The following ANKRD36C variants were observed in gnomAD, a reference collection of about 807,000 sequenced individuals.
ANKRD36C encodes ankyrin repeat domain-containing protein 36C.
A neutral mutation model predicts 276.4 loss-of-function variants in ANKRD36C; 61 were observed. That is an observed-to-expected ratio of 0.22 (90% CI 0.18 to 0.27). The LOEUF (loss-of-function observed/expected upper bound fraction) is 0.27, where lower values mean the gene tolerates loss of function less well. Ranked by LOEUF, ANKRD36C falls within the 10% of genes least tolerant of loss-of-function variation. The pLI, the probability that ANKRD36C is intolerant of heterozygous loss-of-function variation, is 1.00. For synonymous variants in ANKRD36C, 483 were observed against 680.1 expected (o/e 0.71, Z 4.51); for missense variants, 1,447 against 2,032.3 (o/e 0.71, Z 5.54).
rs953338201 is a variant in ANKRD36C, at chr2:95,897,165, A to T, written c.2755+1980T>A. The T allele has an allele frequency of 1.7e-5, 19 of 1,099,706 alleles. 1 individual carries two copies. Among genetic ancestry groups the T allele is most frequent in the African/African-American group, 1.4e-4 (9 of 62,774 alleles). The allele number at this position is 1,099,706 out of a possible 1,614,324, so 68.1% of individuals were successfully genotyped here. ...GAAATGAAGAATCTCAGGACTGCTGAATCAGAATGTGCAGCTTCAACGAGC... is the reference window on the plus strand; with the variant it reads ...GAAATGAAGAATCTCAGGACTGCTGTATCAGAATGTGCAGCTTCAACGAGC... On this transcript the variant is annotated intron_variant, in intron 44 of 66. Coordinates refer to ENST00000456556, the Ensembl canonical transcript of ANKRD36C.
At chr2:95,874,820 A>C (rs1675905205) in intron 59 of ANKRD36C, among the ~76,000 whole-genome samples, 1 of 152,256 alleles carries the variant, frequency 6.6e-6, no homozygotes, top group Admixed American at 6.5e-5. Flanking sequence ...AATGAACCCA[A>C]ACAAATTTAC....
At chr2:95,893,142 C>T (rs1482029364) in intron 44 of ANKRD36C, among the ~76,000 whole-genome samples, 44 of 151,288 alleles carry the variant, frequency 2.9e-4, no homozygotes, top group Non-Finnish European at 5.2e-4. Context: ...ACAGTGTGTA[C>T]GGGTTATTAC....
At chr2:95,978,697 C>G (rs1678860062) in intron 5 of ANKRD36C, among the ~76,000 whole-genome samples, 2 of 151,936 alleles carry the variant, frequency 1.3e-5, no homozygotes, top group South Asian at 4.1e-4. Context: ...TTCATAGGTT[C>G]TAATATTCAA....
intron 38 of ANKRD36C, 24 bp from the exon 41 acceptor site, chr2:95,914,327 A>G (rs1677027230): frequency 1.9e-6 from 3 of 1,546,318 alleles, no homozygotes; most frequent in Admixed American, 2.0e-5. Context: ...GGGATTCATA[A>G]TCACTCATAT....
chr2:95,871,319 C>A (rs1218446230), intron 59 of ANKRD36C, among the ~76,000 whole-genome samples: 1 of 152,084 alleles, frequency 6.6e-6, no homozygotes, highest in Non-Finnish European at 1.5e-5. Flanking sequence ...GTGGATCTCT[C>A]GGCAGAAACT....
intron 56 of ANKRD36C, among the ~76,000 whole-genome samples, chr2:95,881,737 AT>A (rs1318810817): frequency 6.6e-6 from 1 of 151,018 alleles, no homozygotes; most frequent in African/African-American, 2.4e-5. Context: ...AATATTCAAA[AT>A]GCATCTGAAG....
At chr2:95,965,842 A>T (rs1378856557) in intron 6 of ANKRD36C, among the ~76,000 whole-genome samples, 12 of 152,246 alleles carry the variant, frequency 7.9e-5, no homozygotes, top group South Asian at 4.1e-4. Flanking sequence ...GTACTGTCTG[A>T]ACTTTTCTAC....
At position 95,925,636 on chromosome 2, in the gene ANKRD36C, C is replaced by T. The variant is rs558037389; in HGVS notation, c.1940-89G>A. 170 of 1,324,394 alleles carry T rather than the reference C, an allele frequency of 1.3e-4. No homozygotes were observed. The African/African-American group carries it at 2.1e-3, about 17-fold the overall frequency. 82.0% of individuals were successfully genotyped at this position (1,324,394 alleles called of 1,614,324 possible). ...ATGCAGTGTTAGCATCAAGCTGTAT[C>T]CTCCCACCTGCACTAGTGTAGGATT... On this transcript the variant is annotated intron_variant, in intron 28 of 66. Transcript: ENST00000456556.
chr2:95,851,106 C>G, downstream of ANKRD36C: 1 of 1,397,614 alleles, frequency 7.2e-7, no homozygotes. Context: ...CCGTTCACTA[C>G]TTAGAGTTTA....
chr2:95,916,282 G>A, intron 36 of ANKRD36C, 111 bp from the exon 39 acceptor site: 1 of 1,526,744 alleles, frequency 6.5e-7, no homozygotes, highest in Non-Finnish European at 8.9e-7. Context: ...ATTAGTGGAG[G>A]CTTTGATGGC....
At chr2:95,910,927 GATCC>G (rs79947665) in intron 42 of ANKRD36C, among the ~76,000 whole-genome samples, 8,451 of 151,486 alleles carry the variant, frequency 0.056, 349 homozygotes, top group East Asian at 0.18. Context: ...GGTGCCACAT[GATCC>G]CACATGTCTT....
At chr2:95,889,638 C>A (rs1676286526) in intron 48 of ANKRD36C, among the ~76,000 whole-genome samples, 161 bp downstream of exon 68, 2 of 151,450 alleles carry the variant, frequency 1.3e-5, no homozygotes, top group Non-Finnish European at 3.0e-5. Flanking sequence ...GGCCAAGGAC[C>A]ACAGCATCAG....
At chr2:95,902,828 A>G in intron 42 of ANKRD36C, 58 bp downstream of exon 54, 2 of 1,501,824 alleles carry the variant, frequency 1.3e-6, no homozygotes, top group Non-Finnish European at 1.8e-6. Context: ...TTATTCACGG[A>G]AGAGAATTTC....
chr2:95,879,227 C>T, intron 58 of ANKRD36C, among the ~76,000 whole-genome samples: 1 of 152,028 alleles, frequency 6.6e-6, no homozygotes. Context: ...GTTGTCAGTC[C>T]TTTGTGGGTG....
intron 42 of ANKRD36C, among the ~76,000 whole-genome samples, chr2:95,902,395 G>A (rs1389070821): frequency 6.7e-6 from 1 of 150,006 alleles, no homozygotes; most frequent in Admixed American, 6.7e-5. Context: ...TTATATAAAT[G>A]ACTTCCTCTT....
chr2:95,907,936 T>C (rs1290550653), intron 42 of ANKRD36C, among the ~76,000 whole-genome samples: 6 of 149,466 alleles, frequency 4.0e-5, no homozygotes, highest in Non-Finnish European at 9.0e-5. Context: ...AAATATTTGT[T>C]ATGAAAATAT....
intron 59 of ANKRD36C, among the ~76,000 whole-genome samples, chr2:95,874,991 C>T (rs1262575319): frequency 6.6e-6 from 1 of 152,202 alleles, no homozygotes; most frequent in Non-Finnish European, 1.5e-5. Context: ...TACCATCTCA[C>T]ACCAGTTAGG....
At chr2:95,889,768 A>G (rs765019949) in intron 48 of ANKRD36C, 31 bp downstream of exon 68, 10 of 1,560,336 alleles carry the variant, frequency 6.4e-6, no homozygotes, top group Non-Finnish European at 7.8e-6. Flanking sequence ...ATCTTGAACG[A>G]ACATCCTATT....
At chr2:95,912,680 A>T (rs1268223814) in intron 40 of ANKRD36C, among the ~76,000 whole-genome samples, 1 of 151,436 alleles carries the variant, frequency 6.6e-6, no homozygotes, top group Non-Finnish European at 1.5e-5. Flanking sequence ...CGAAACCCAA[A>T]ATAAAACCGT....
Sources: allele counts gnomAD v4.1 joint callset (sites outside exome capture counted in the v4.1 genomes callset), GRCh38; gene constraint gnomAD v4.1.1; transcripts MANE v1.5; gene names NCBI Gene and HGNC (gene_info 2026-07-23, HGNC 2026-07-21).